The following KLHL26 variants were observed in gnomAD, a reference collection of about 807,000 sequenced individuals.
The protein encoded by KLHL26 is kelch-like protein 26.
In KLHL26, 4 loss-of-function variants were observed where a neutral mutation model predicts 7.1. The observed-to-expected ratio is 0.56, with a 90% CI of 0.28 to 1.28. KLHL26 has a LOEUF of 1.28. Among genes scored for constraint, KLHL26 ranks in the 50% most tolerant of loss-of-function variants. KLHL26 has a pLI of 0.11. For synonymous variants in KLHL26, 465 were observed against 414.1 expected, an observed-to-expected ratio of 1.12 and a Z score of -1.49; for missense variants, 896 against 924.6, an observed-to-expected ratio of 0.97 and a Z score of 0.40.
intron 1 of KLHL26, among the ~76,000 whole-genome samples, chr19:18,641,316 C>CTT (rs61471216): frequency 0.021 from 2,235 of 105,082 alleles, 111 homozygotes; most frequent in African/African-American, 0.056. Context: ...GTTGGGTTGC[C>CTT]TTTTTTTTTT....
chr19:18,662,775 A>G (rs2052404564), intron 1 of KLHL26, among the ~76,000 whole-genome samples: 1 of 151,806 alleles, frequency 6.6e-6, no homozygotes, highest in Non-Finnish European at 1.5e-5. Flanking sequence ...TGGATCTGTC[A>G]TGGGTCTAGG....
chr19:18,651,704 G>A (rs749807410), intron 1 of KLHL26, among the ~76,000 whole-genome samples: 5 of 152,264 alleles, frequency 3.3e-5, no homozygotes, highest in Admixed American at 6.5e-5. Context: ...GCCAGTGGAG[G>A]CAGTGGGGTG....
At chr19:18,641,928 C>G (rs1976720008) in intron 1 of KLHL26, among the ~76,000 whole-genome samples, 1 of 152,114 alleles carries the variant, frequency 6.6e-6, no homozygotes, top group African/African-American at 2.4e-5. Context: ...GCCCGGCCCT[C>G]TTTCTTAAAA....
chr19:18,644,930 G>A (rs934454539), intron 1 of KLHL26, among the ~76,000 whole-genome samples: 4 of 151,016 alleles, frequency 2.6e-5, no homozygotes, highest in Non-Finnish European at 4.4e-5. Flanking sequence ...CCCCACCCCC[G>A]ACCGCCCCCA....
At position 18,668,707 on chromosome 19, in the gene KLHL26, G is replaced by T. The variant is rs369035960; in HGVS notation, c.1310G>T (p.Arg437Leu). 1 of 1,571,802 alleles carries T rather than the reference G, an allele frequency of 6.4e-7. No homozygotes were observed. Among genetic ancestry groups the T allele is most frequent in the Non-Finnish European group, 8.6e-7 (1 of 1,163,456 alleles). Residue 437 changes from arginine to leucine, a missense_variant, in exon 3 of 3, where the codon CGC becomes CTC. Physicochemically the swap from Arg to Leu is moderately radical, Grantham distance 102 (BLOSUM62 -2). Coordinates refer to ENST00000300976, the MANE Select transcript of KLHL26 (RefSeq NM_018316.3). ...LASVERYCPRRNEWGYACSLK... is the reference protein window; with the variant it reads ...LASVERYCPRLNEWGYACSLK... The stretch of plus-strand genomic sequence containing the variant: ...TCCGTGGAGCGGTACTGCCCCCGGC[G>T]CAATGAGTGGGGCTACGCCTGCTCG...
chr19:18,639,225 G>A (rs1433942517), intron 1 of KLHL26, among the ~76,000 whole-genome samples: 1 of 151,392 alleles, frequency 6.6e-6, no homozygotes, highest in Non-Finnish European at 1.5e-5. Flanking sequence ...ACAGGTGCCC[G>A]CCACCATGCC....
At position 18,667,717 on chromosome 19, in the gene KLHL26, A is replaced by T. The variant is rs1459965599; in HGVS notation, c.320A>T (p.Lys107Met). 1 of 1,613,158 alleles carries T rather than the reference A, an allele frequency of 6.2e-7. No homozygotes were observed. The highest frequency in any genetic ancestry group is 1.1e-5 in the South Asian group (1 of 91,060). ...REASQDVIEL[K>M]GVSARGLRHI... is the part of the protein sequence containing the mutation. ...GCAAGCCAGGACGTCATCGAGCTGA[A>T]GGGCGTGTCGGCCCGTGGCCTGCGG... Residue 107 changes from lysine (K) to methionine (M), a missense_variant, in exon 3 of 3, where the codon AAG becomes ATG. Lys to Met is a moderately conservative substitution (Grantham distance 95). Transcript: ENST00000300976.
At chr19:18,667,570 T>C in intron 2 of KLHL26, 94 bp from the exon 3 acceptor site, 1 of 1,518,496 alleles carries the variant, frequency 6.6e-7, no homozygotes, top group Non-Finnish European at 8.8e-7. Flanking sequence ...GTGTTCTGTG[T>C]CCCCAGGCTA....
chr19:18,642,214 C>T (rs928645772), intron 1 of KLHL26, among the ~76,000 whole-genome samples: 11 of 152,136 alleles, frequency 7.2e-5, no homozygotes, highest in Admixed American at 1.3e-4. Context: ...CCCACCTCCT[C>T]GCCTCAACCT....
In KLHL26 at chr19:18,637,086, C is replaced by T; in HGVS notation, c.32C>T (p.Ala11Val). Residue 11 changes from alanine (A) to valine (V), a missense_variant, in exon 1 of 3, where the codon GCT (alanine) becomes GTT (valine). Physicochemically the swap from Ala to Val is moderately conservative, Grantham distance 64 (BLOSUM62 0). Coordinates refer to ENST00000300976, the MANE Select transcript of KLHL26 (RefSeq NM_018316.3). ...GAGTCCGGCGGTAGCAGCGGTGGTG[C>T]TGGTGGCGGCGGCGCTTTCGGCGCG... MAESGGSSGGAGGGGAFGAGP... is the reference protein window; with the variant it reads MAESGGSSGGVGGGGAFGAGP... The T allele has an allele frequency of 7.2e-7, 1 of 1,385,878 alleles. No individual in the cohort carries two copies. Among genetic ancestry groups the T allele is most frequent in the Non-Finnish European group, 9.4e-7 (1 of 1,069,010 alleles). The allele number at this position is 1,385,878 out of a possible 1,614,324, so 85.8% of individuals were successfully genotyped here. A position where few individuals can be genotyped will look rare whatever the true frequency, so the allele number is the denominator to read the frequency against.
Position 18,671,377 on chromosome 19 carries a change from G to C in KLHL26, c.*2132G>C, listed in dbSNP as rs1207406937. 1 of 152,230 alleles carries C rather than the reference G, an allele frequency of 6.6e-6. No individual in the cohort carries two copies. The highest frequency in any genetic ancestry group is 2.4e-5 in the African/African-American group (1 of 41,446). The allele number at this position is 152,230 out of a possible 1,614,324, so 9.4% of individuals were successfully genotyped here. ...CCTGGGGACTTACCAGAACATTCCAGCCCCACCCCCGACCTGAGCTCCCCC... is the reference window on the plus strand; with the variant it reads ...CCTGGGGACTTACCAGAACATTCCACCCCCACCCCCGACCTGAGCTCCCCC... On this transcript the variant is annotated 3_prime_UTR_variant, in exon 3 of 3. Coordinates refer to ENST00000300976, the MANE Select transcript of KLHL26 (RefSeq NM_018316.3).
chr19:18,667,450 C>G (rs1003950829), intron 2 of KLHL26: 2 of 714,664 alleles, frequency 2.8e-6, no homozygotes, highest in Non-Finnish European at 2.2e-6. Context: ...ATGATCCACC[C>G]GCCTGGGCTT....
rs992344074 is a variant in KLHL26, at chr19:18,649,648, G to A, written c.83+12511G>A. Among the ~76,000 whole-genome samples, 4 of 152,232 alleles carry A rather than the reference G, an allele frequency of 2.6e-5. No homozygotes were observed. The highest frequency in any genetic ancestry group is 5.9e-5 in the Non-Finnish European group (4 of 68,026). ...TGAAGTGGAAGTGGGGGCCAAGCCC[G>A]CTGGGTTCCCGCTGCCGGCAGCCCC... is the stretch of plus-strand genomic sequence containing the variant. On this transcript the variant is annotated intron_variant, in intron 1 of 2. Coordinates refer to ENST00000300976, the MANE Select transcript of KLHL26 (RefSeq NM_018316.3). The surrounding 1 kb of genome is among the most constrained non-coding windows in gnomAD (Gnocchi z 4.0).
At position 18,669,213 on chromosome 19, in the gene KLHL26, G is replaced by C. The variant is rs753056764; in HGVS notation, c.1816G>C (p.Val606Leu). ...CTTCGCAGGCATAGCCTGCGCCCCC[G>C]TCCTGCTGCCCCGGGCCGGGACCAG... ...ESFAGIACAP[V>L]LLPRAGTRR is the part of the protein sequence containing the mutation. Residue 606 changes from valine (V) to leucine (L), a missense_variant, in exon 3 of 3, where the codon GTC becomes CTC. Transcript: ENST00000300976. The C allele has an allele frequency of 6.2e-7, 1 of 1,611,470 alleles. No individual in the cohort carries two copies. Among genetic ancestry groups the C allele is most frequent in the Non-Finnish European group, 8.5e-7 (1 of 1,179,916 alleles).
intron 1 of KLHL26, among the ~76,000 whole-genome samples, chr19:18,651,853 A>G (rs1305992633): frequency 6.6e-6 from 1 of 152,244 alleles, no homozygotes; most frequent in African/African-American, 2.4e-5. Flanking sequence ...GGATTTGCTC[A>G]TTCAAGTGGT....
chr19:18,650,371 T>C lies in KLHL26; in HGVS notation c.83+13234T>C, dbSNP rs1266567893. ...AGGTGACTGTGAGATGACAGACACG[T>C]AGGGGAGCCCCACAGAGGACCCCCA... On this transcript the variant is annotated intron_variant, in intron 1 of 2. Coordinates refer to ENST00000300976, the MANE Select transcript of KLHL26 (RefSeq NM_018316.3). This position sits in a 1 kb window ranked among gnomAD's most constrained non-coding sequence, Gnocchi z 4.2. Among the ~76,000 whole-genome samples the C allele has an allele frequency of 6.6e-6, 1 of 152,098 alleles. No homozygotes were observed. Among genetic ancestry groups the C allele is most frequent in the African/African-American group, 2.4e-5 (1 of 41,404 alleles).
In KLHL26 at chr19:18,668,052, C is replaced by T; in HGVS notation, c.655C>T (p.Gln219Ter). The T allele has an allele frequency of 6.2e-7, 1 of 1,607,880 alleles. No individual in the cohort carries two copies. The highest frequency in any genetic ancestry group is 8.5e-7 in the Non-Finnish European group (1 of 1,179,950). Residue 219 changes from glutamine to a stop codon, truncating the protein, a stop_gained, in exon 3 of 3, where the codon CAG (glutamine) becomes TAG (stop). Coordinates refer to ENST00000300976, the MANE Select transcript of KLHL26 (RefSeq NM_018316.3). LOFTEE classifies it low-confidence loss of function (END_TRUNC). Reference sequence around the variant, plus strand: ...CTTCTTCCTGCAGAGCAACCGGCTGCAGAGCTGTGCCGAGATCGACCTGTT... The same window carrying T: ...CTTCTTCCTGCAGAGCAACCGGCTGTAGAGCTGTGCCGAGATCGACCTGTT... ...LVFFLQSNRL[Q>*]SCAEIDLFRA...
At position 18,668,141 on chromosome 19, in the gene KLHL26, C is replaced by A; in HGVS notation, c.744C>A (p.Leu248=). 1 of 1,605,992 alleles carries A rather than the reference C, an allele frequency of 6.2e-7. No individual in the cohort carries two copies. The highest frequency in any genetic ancestry group is 2.2e-5 in the East Asian group (1 of 44,806). ...PARRPRASHV[L]CHIRFPLMQS... is the part of the protein sequence containing the mutation. ...GGCGGCCGCGCGCCAGCCACGTGCT[C>A]TGCCACATTCGCTTCCCGCTCATGC... Residue 248 remains leucine (L), a synonymous_variant, in exon 3 of 3, where the codon CTC becomes CTA. Coordinates refer to ENST00000300976, the MANE Select transcript of KLHL26 (RefSeq NM_018316.3).
In KLHL26 at chr19:18,669,744, C is replaced by A; in HGVS notation, c.*499C>A. ...CCCGAAACGTCCGTAACACACGGAC[C>A]TCCAGGAGCAGTGAGAGGTGGCTTA... is the stretch of plus-strand genomic sequence containing the variant. On this transcript the variant is annotated 3_prime_UTR_variant, in exon 3 of 3. Coordinates refer to ENST00000300976, the MANE Select transcript of KLHL26 (RefSeq NM_018316.3). The A allele has an allele frequency of 6.1e-6, 1 of 163,756 alleles. No homozygotes were observed. The highest frequency in any genetic ancestry group is 6.3e-5 in the Admixed American group (1 of 15,888). 10.1% of individuals were successfully genotyped at this position (163,756 alleles called of 1,614,324 possible). A position where few individuals can be genotyped will look rare whatever the true frequency, so the allele number is the denominator to read the frequency against.
Sources: allele counts gnomAD v4.1 joint callset (sites outside exome capture counted in the v4.1 genomes callset), GRCh38; gene constraint gnomAD v4.1.1; non-coding constraint Gnocchi (gnomAD v3.1); transcripts MANE v1.5; gene names NCBI Gene and HGNC (gene_info 2026-07-23, HGNC 2026-07-21).